GADL1: variants seen among roughly 807,000 people sequenced by gnomAD.
The protein encoded by GADL1 is GAD like acidic amino acid decarboxylase 1.
A neutral mutation model predicts 69.5 loss-of-function variants in GADL1; 71 were observed. The observed-to-expected ratio is 1.02, with a 90% CI of 0.84 to 1.25. The LOEUF is 1.25. Among genes scored for constraint, GADL1 ranks in the 50% most tolerant of loss-of-function variants. The pLI is 0.00. For missense variants in GADL1, 737 were observed against 631.8 expected (o/e 1.17, Z -1.79); for synonymous variants, 254 against 214.4 (o/e 1.18, Z -1.62).
intron 4 of GADL1, 57 bp downstream of exon 4, chr3:30,854,642 T>C (rs2125533934): frequency 1.0e-6 from 1 of 978,934 alleles, no homozygotes; most frequent in South Asian, 1.5e-5. Context: ...TAAAATTTCA[T>C]CTACTTAAAG....
At chr3:30,815,097 T>C (rs1310018079) in intron 11 of GADL1, among the ~76,000 whole-genome samples, 1 of 152,136 alleles carries the variant, frequency 6.6e-6, no homozygotes, top group Non-Finnish European at 1.5e-5. Context: ...TTTCTGGATT[T>C]GAGAAACATT....
intron 9 of GADL1, among the ~76,000 whole-genome samples, chr3:30,836,376 C>G (rs1356840157): frequency 3.4e-5 from 5 of 146,880 alleles, no homozygotes; most frequent in Admixed American, 6.8e-5. Flanking sequence ...TTAGGAACAG[C>G]TCATCCATAA....
chr3:30,816,735 A>C (rs545006524), intron 11 of GADL1, among the ~76,000 whole-genome samples: 16 of 151,512 alleles, frequency 1.1e-4, no homozygotes, highest in Admixed American at 3.3e-4. Flanking sequence ...TGGTAGAGAC[A>C]GGATTTCACC....
At chr3:30,855,060 C>T (rs929278522) in intron 3 of GADL1, among the ~76,000 whole-genome samples, 1 of 152,046 alleles carries the variant, frequency 6.6e-6, no homozygotes, top group African/African-American at 2.4e-5. Context: ...ATATCTAGAT[C>T]CAGGTGATGG....
intron 14 of GADL1, among the ~76,000 whole-genome samples, chr3:30,751,127 C>A (rs760855585): frequency 6.7e-6 from 1 of 150,068 alleles, no homozygotes; most frequent in Non-Finnish European, 1.5e-5. Context: ...GGGCAGCTTA[C>A]GGGCCATATC....
At chr3:30,814,060 A>T (rs1697411264) in intron 11 of GADL1, among the ~76,000 whole-genome samples, 1 of 152,156 alleles carries the variant, frequency 6.6e-6, no homozygotes. Context: ...TCGTGTGCTT[A>T]CTACTTGATT....
chr3:30,746,969 A>G (rs1695716640), intron 14 of GADL1, among the ~76,000 whole-genome samples: 1 of 152,138 alleles, frequency 6.6e-6, no homozygotes, highest in Non-Finnish European at 1.5e-5. Flanking sequence ...AAACAACGCA[A>G]TTTAGGCCAG....
Position 30,876,096 on chromosome 3 carries a change from A to T in GADL1, c.38-14331T>A, listed in dbSNP as rs554217580. On this transcript the variant is annotated intron_variant, in intron 1 of 14. Coordinates refer to ENST00000282538, the MANE Select transcript of GADL1 (RefSeq NM_207359.3). ...GTGTAAGGTCTAATTCCTATAATAC[A>T]TTCCATATTCTATAATGTTCTATAC... is the stretch of plus-strand genomic sequence containing the variant. Among the ~76,000 whole-genome samples, 4 of 152,116 alleles carry T rather than the reference A, an allele frequency of 2.6e-5. No individual in the cohort carries two copies. In the East Asian group the frequency reaches 7.8e-4, roughly 30 times the overall value.
intron 12 of GADL1, chr3:30,799,716 T>C (rs1249742751): frequency 6.6e-6 from 1 of 152,204 alleles, no homozygotes; most frequent in Non-Finnish European, 1.5e-5. Flanking sequence ...GTTTCCCTTT[T>C]AAAAGGGAAT....
Position 30,728,228 on chromosome 3 carries a change from G to T in GADL1, c.*14C>A. The stretch of plus-strand genomic sequence containing the variant: ...CAGGATAGGATCTATGCCTCTGGGG[G>T]ACCAAAGCCACAGCTACATGTCTTT... On this transcript the variant is annotated 3_prime_UTR_variant, in exon 15 of 15. Transcript: ENST00000282538. 6.2e-7 allele frequency: 1 copy of T among 1,610,702 alleles called. No homozygotes were observed. The highest frequency in any genetic ancestry group is 1.1e-5 in the South Asian group (1 of 90,986).
At chr3:30,827,906 C>T (rs1047681013) in intron 11 of GADL1, among the ~76,000 whole-genome samples, 1 of 151,846 alleles carries the variant, frequency 6.6e-6, no homozygotes, top group African/African-American at 2.4e-5. Context: ...AAGTCAAATG[C>T]TTCTCTTTTC....
At chr3:30,869,053 G>A (rs189130946) in intron 1 of GADL1, among the ~76,000 whole-genome samples, 1 of 146,210 alleles carries the variant, frequency 6.8e-6, no homozygotes, top group East Asian at 2.2e-4. Context: ...GCCTCACCCA[G>A]CCTGGTGCCT....
chr3:30,884,513 T>A (rs866345572), intron 1 of GADL1, among the ~76,000 whole-genome samples: 1 of 152,020 alleles, frequency 6.6e-6, no homozygotes, highest in African/African-American at 2.4e-5. Flanking sequence ...TCAACCACTA[T>A]AACTTCATCA....
intron 1 of GADL1, among the ~76,000 whole-genome samples, chr3:30,865,822 C>G (rs11923643): frequency 0.13 from 20,426 of 151,916 alleles, 1,452 homozygotes; most frequent in South Asian, 0.18. Flanking sequence ...TAGAAGTCAG[C>G]GCACGGACCA....
intron 14 of GADL1, among the ~76,000 whole-genome samples, chr3:30,740,116 T>C (rs58366775): frequency 0.089 from 13,494 of 152,102 alleles, 1,602 homozygotes; most frequent in African/African-American, 0.27. Context: ...CCACAAGGGG[T>C]AAGAAGAAAG....
intron 14 of GADL1, among the ~76,000 whole-genome samples, chr3:30,739,520 T>A (rs1439968678): frequency 6.6e-6 from 1 of 152,236 alleles, no homozygotes; most frequent in Admixed American, 6.5e-5. Context: ...TCATTATCCA[T>A]ACAAAGTTAG....
chr3:30,782,759 A>G (rs950153210), intron 13 of GADL1, among the ~76,000 whole-genome samples: 3 of 152,196 alleles, frequency 2.0e-5, no homozygotes, highest in Non-Finnish European at 4.4e-5. Context: ...ACTGAAAAGA[A>G]CAAGTCACAT....
In GADL1 at chr3:30,867,439, T is replaced by TATATATATATATATATAC. The variant is rs1319135425; in HGVS notation, c.38-5675_38-5674insGTATATATATATATATAT. ...ACAATACTACATATATATATATATATACACATATATGTATATATATACATA... is the reference window on the plus strand; with the variant it reads ...ACAATACTACATATATATATATATATATATATATATATATATACACACATATATGTATATATATACATA... On this transcript the variant is annotated intron_variant, in intron 1 of 14. Coordinates refer to ENST00000282538, the MANE Select transcript of GADL1 (RefSeq NM_207359.3). 9.9e-4 allele frequency among the ~76,000 whole-genome samples: 137 copies of TATATATATATATATATAC among 138,858 alleles called. 2 individuals are homozygous for TATATATATATATATATAC. The highest frequency in any genetic ancestry group is 8.0e-3 in the East Asian group (35 of 4,376). The allele number at this position is 138,858 out of a possible 152,430, so 91.1% of individuals were successfully genotyped here.
intron 10 of GADL1, 58 bp from the exon 11 acceptor site, chr3:30,833,992 A>G (rs1361654446): frequency 4.4e-6 from 5 of 1,147,482 alleles, no homozygotes; most frequent in South Asian, 2.5e-5. Flanking sequence ...TCTACAGGCA[A>G]TGGAATACTA....
Sources: allele counts gnomAD v4.1 joint callset (sites outside exome capture counted in the v4.1 genomes callset), GRCh38; gene constraint gnomAD v4.1.1; transcripts MANE v1.5; gene names NCBI Gene and HGNC (gene_info 2026-07-23, HGNC 2026-07-21).